ARNT2: variants seen among roughly 807,000 people sequenced by gnomAD.
ARNT2 encodes the protein aryl hydrocarbon receptor nuclear translocator 2.
A neutral mutation model predicts 91.7 loss-of-function variants in ARNT2; 36 were observed. The observed-to-expected ratio is 0.39, with a 90% confidence interval of 0.30 to 0.52. The LOEUF (loss-of-function observed/expected upper bound fraction) is 0.52, where lower values mean the gene tolerates loss of function less well. Among genes scored for constraint, ARNT2 ranks in the 20% least tolerant of loss-of-function variants. ARNT2 has a pLI of 0.72. For synonymous variants in ARNT2, 365 were observed against 347.1 expected (o/e 1.05, Z -0.57); for missense variants, 775 against 939.3 (o/e 0.83, Z 2.29).
At chr15:80,417,944 C>T (rs1191609437) in intron 1 of ARNT2, among the ~76,000 whole-genome samples, 2 of 152,076 alleles carry the variant, frequency 1.3e-5, no homozygotes, top group Non-Finnish European at 2.9e-5. Context: ...CTGCTGTTGC[C>T]TTATATGTAA....
intron 12 of ARNT2, among the ~76,000 whole-genome samples, chr15:80,568,780 G>A (rs1273895751): frequency 1.3e-5 from 2 of 152,200 alleles, no homozygotes; most frequent in East Asian, 1.9e-4. Context: ...TCTCTCTAGC[G>A]CATCTCCTCC....
chr15:80,476,931 T>C (rs921925619), intron 5 of ARNT2, among the ~76,000 whole-genome samples: 1 of 152,174 alleles, frequency 6.6e-6, no homozygotes, highest in Non-Finnish European at 1.5e-5. Context: ...GGTGATTGGA[T>C]CATGGGGGTG....
rs1345452490 is a variant in ARNT2 at position 80,437,313 on chromosome 15, T to A, written c.32-13567T>A. Among the ~76,000 whole-genome samples, 3 of 152,302 alleles carry A rather than the reference T, an allele frequency of 2.0e-5. No individual in the cohort carries two copies. The East Asian group carries it at 5.8e-4, about 29-fold the overall frequency. Reference sequence around the variant, plus strand: ...TGTCTCCCCCACCTTGAATAACTCATCTTTTAATATTTTCTTTGCCAGAGT... The same window carrying A: ...TGTCTCCCCCACCTTGAATAACTCAACTTTTAATATTTTCTTTGCCAGAGT... On this transcript the variant is annotated intron_variant, in intron 1 of 18. Transcript: ENST00000303329.
chr15:80,571,855 A>G (rs1166644196), intron 12 of ARNT2, among the ~76,000 whole-genome samples: 2 of 152,212 alleles, frequency 1.3e-5, no homozygotes, highest in East Asian at 3.8e-4. Flanking sequence ...CTGTTCTGTG[A>G]TAGCCACTTG....
Position 80,484,189 on chromosome 15 carries a change from A to AT in ARNT2, c.622+8966_622+8967insT, listed in dbSNP as rs549997414. ...TAACATATATAAATGTGGCAAAAAA[A>AT]AAAAAACAACTTGATTTGATCTCGA... On this transcript the variant is annotated intron_variant, in intron 5 of 18. Transcript: ENST00000303329. Among the ~76,000 whole-genome samples, 1,017 of 152,314 alleles carry AT rather than the reference A, an allele frequency of 6.7e-3. 8 individuals carry two copies. The highest frequency in any genetic ancestry group is 0.023 in the African/African-American group (958 of 41,546).
chr15:80,493,865 C>T (rs1383307293), intron 5 of ARNT2, among the ~76,000 whole-genome samples: 1 of 152,112 alleles, frequency 6.6e-6, no homozygotes, highest in East Asian at 1.9e-4. Context: ...CTGGTGCCCT[C>T]CCTGTGGAAA....
At chr15:80,576,819 G>A in intron 14 of ARNT2, 47 bp from the exon 15 acceptor site, 1 of 1,595,008 alleles carries the variant, frequency 6.3e-7, no homozygotes, top group Non-Finnish European at 8.6e-7. Context: ...TCTGTGGTCT[G>A]CAGAGCAGGG....
At chr15:80,464,920 C>T (rs1313039018) in intron 3 of ARNT2, among the ~76,000 whole-genome samples, 2 of 152,176 alleles carry the variant, frequency 1.3e-5, no homozygotes, top group Non-Finnish European at 2.9e-5. Flanking sequence ...TAGACCCCCA[C>T]GCAGCCACTC....
At chr15:80,588,569 A>G (rs890586704) in intron 17 of ARNT2, among the ~76,000 whole-genome samples, 8 of 151,802 alleles carry the variant, frequency 5.3e-5, no homozygotes, top group Admixed American at 2.0e-4. Flanking sequence ...CTCCAGCCTT[A>G]TCTCTTATGA....
intron 11 of ARNT2, among the ~76,000 whole-genome samples, chr15:80,560,495 C>T (rs1898316949): frequency 6.6e-6 from 1 of 152,194 alleles, no homozygotes; most frequent in Non-Finnish European, 1.5e-5. Context: ...TCCACAGCTC[C>T]TAAGGCTGAG....
chr15:80,457,211 G>A (rs778558435), intron 2 of ARNT2, among the ~76,000 whole-genome samples: 2 of 152,156 alleles, frequency 1.3e-5, no homozygotes, highest in Non-Finnish European at 2.9e-5. Context: ...TTTGTCTTAT[G>A]TTTACACTGA....
intron 5 of ARNT2, among the ~76,000 whole-genome samples, chr15:80,496,734 T>C (rs1349494631): frequency 1.3e-5 from 2 of 152,222 alleles, no homozygotes; most frequent in Non-Finnish European, 2.9e-5. Flanking sequence ...GGATTCCTAC[T>C]GCCAAAGGAA....
chr15:80,428,702 G>T (rs1379394848), intron 1 of ARNT2, among the ~76,000 whole-genome samples: 1 of 152,218 alleles, frequency 6.6e-6, no homozygotes, highest in African/African-American at 2.4e-5. Flanking sequence ...TTCTGGAGGG[G>T]AGATGAGCAG....
intron 17 of ARNT2, among the ~76,000 whole-genome samples, chr15:80,588,465 G>A (rs1047072234): frequency 6.6e-6 from 1 of 151,848 alleles, no homozygotes; most frequent in Non-Finnish European, 1.5e-5. Flanking sequence ...ACACATCTGT[G>A]TGCTTCCTGC....
chr15:80,502,532 G>A (rs1359996229), intron 5 of ARNT2, among the ~76,000 whole-genome samples: 3 of 152,214 alleles, frequency 2.0e-5, no homozygotes, highest in Non-Finnish European at 4.4e-5. Flanking sequence ...CGAGGTGGAT[G>A]ACATGAGTCT....
intron 8 of ARNT2, among the ~76,000 whole-genome samples, chr15:80,532,767 T>A (rs780630205): frequency 1.3e-5 from 2 of 152,246 alleles, no homozygotes; most frequent in Non-Finnish European, 2.9e-5. Flanking sequence ...CAGATCCTGA[T>A]ACGTGCTTTC....
intron 1 of ARNT2, among the ~76,000 whole-genome samples, chr15:80,425,728 G>GTTGT (rs897666270): frequency 1.1e-4 from 16 of 148,456 alleles, no homozygotes; most frequent in African/African-American, 2.3e-4. Context: ...TTTTTTTTTT[G>GTTGT]TTGTTTGTTT....
At chr15:80,426,117 C>G (rs1895929243) in intron 1 of ARNT2, among the ~76,000 whole-genome samples, 1 of 145,966 alleles carries the variant, frequency 6.9e-6, no homozygotes, top group South Asian at 2.2e-4. Flanking sequence ...TTTTCACTCT[C>G]TTCAATGAAG....
chr15:80,566,271 G>A (rs895919517), intron 12 of ARNT2, among the ~76,000 whole-genome samples: 1 of 151,346 alleles, frequency 6.6e-6, no homozygotes, highest in Non-Finnish European at 1.5e-5. Flanking sequence ...ACTCTGGGCA[G>A]ATCACCTTGC....
Sources: allele counts gnomAD v4.1 joint callset (sites outside exome capture counted in the v4.1 genomes callset), GRCh38; gene constraint gnomAD v4.1.1; transcripts MANE v1.5; gene names NCBI Gene and HGNC (gene_info 2026-07-23, HGNC 2026-07-21).